ZNF529: variants seen among roughly 807,000 people sequenced by gnomAD.
ZNF529 encodes the protein zinc finger protein 529.
A neutral mutation model predicts 10.1 loss-of-function variants in ZNF529; 11 were observed. The ratio of observed to expected loss-of-function variants is 1.09; its 90% CI spans 0.69 to 1.81. ZNF529 has a LOEUF of 1.81. ZNF529 is among the 40% of genes most tolerant of loss of function. ZNF529 has a pLI of 0.00. For synonymous variants in ZNF529, 204 were observed against 215.7 expected, an observed-to-expected ratio of 0.95 and a Z score of 0.47; for missense variants, 624 against 666.8, an observed-to-expected ratio of 0.94 and a Z score of 0.71.
intron 2 of ZNF529, among the ~76,000 whole-genome samples, chr19:36,565,533 TC>T (rs1181237309): frequency 6.6e-6 from 1 of 152,110 alleles, no homozygotes; most frequent in African/African-American, 2.4e-5. Context: ...AAACCCCATC[TC>T]TACTAAAAAT....
chr19:36,555,143 C>T (rs181566866), intron 3 of ZNF529, among the ~76,000 whole-genome samples: 10 of 152,228 alleles, frequency 6.6e-5, no homozygotes, highest in Admixed American at 6.5e-4. Context: ...GTTTCTATAC[C>T]GTCATTCCCC....
At chr19:36,570,423 C>T (rs1169291585) in intron 2 of ZNF529, among the ~76,000 whole-genome samples, 1 of 145,756 alleles carries the variant, frequency 6.9e-6, no homozygotes, top group African/African-American at 2.5e-5. Flanking sequence ...AAACAAAAAA[C>T]CCTGGAAACC....
chr19:36,585,924 T>G (rs2036570442), intron 2 of ZNF529, among the ~76,000 whole-genome samples: 1 of 152,268 alleles, frequency 6.6e-6, no homozygotes, highest in Non-Finnish European at 1.5e-5. Flanking sequence ...CGCTTACATC[T>G]GCTAAGCTAA....
chr19:36,570,360 C>CAAAAA (rs58429405), intron 2 of ZNF529, among the ~76,000 whole-genome samples: 99 of 70,352 alleles, frequency 1.4e-3, no homozygotes, highest in East Asian at 1.9e-3. Context: ...GACCCTATCT[C>CAAAAA]AAAAAAAAAA....
chr19:36,596,093 T>C (rs1443268750), intron 1 of ZNF529, among the ~76,000 whole-genome samples: 1 of 136,484 alleles, frequency 7.3e-6, no homozygotes, highest in Non-Finnish European at 1.6e-5. Flanking sequence ...TGAGACAGAG[T>C]CTTACTCTGT....
intron 1 of ZNF529, among the ~76,000 whole-genome samples, chr19:36,600,089 G>A (rs909253385): frequency 2.0e-5 from 3 of 151,644 alleles, no homozygotes; most frequent in African/African-American, 4.8e-5. Context: ...GGCTAGTCTC[G>A]AACTCCTAAC....
At position 36,561,635 on chromosome 19, in the gene ZNF529, G is replaced by A. The variant is rs1042611381; in HGVS notation, c.15-5438C>T. On this transcript the variant is annotated intron_variant, in intron 2 of 4. Transcript: ENST00000591340. ...ATTGTCCAGTGGAGTCATACAGGCT[G>A]TGCCACTCCCCAAACCCTAGACCTG... is the stretch of plus-strand genomic sequence containing the variant. Among the ~76,000 whole-genome samples, 7 of 152,168 alleles carry A rather than the reference G, an allele frequency of 4.6e-5. No individual in the cohort carries two copies. In the East Asian group the frequency reaches 5.8e-4, roughly 13 times the overall value.
intron 2 of ZNF529, among the ~76,000 whole-genome samples, chr19:36,562,323 T>C: frequency 6.6e-6 from 1 of 152,206 alleles, no homozygotes; most frequent in East Asian, 1.9e-4. Context: ...GCAATTTGCC[T>C]CAGGATGAAT....
chr19:36,549,143 T>G (rs2035166903), intron 4 of ZNF529, among the ~76,000 whole-genome samples: 1 of 152,250 alleles, frequency 6.6e-6, no homozygotes, highest in Non-Finnish European at 1.5e-5. Context: ...CTTCTTTTCT[T>G]TGTTAAAGTC....
intron 1 of ZNF529, among the ~76,000 whole-genome samples, chr19:36,599,209 T>G (rs543908651): frequency 6.6e-6 from 1 of 152,220 alleles, no homozygotes; most frequent in Non-Finnish European, 1.5e-5. Context: ...AGACTTCTGG[T>G]CTTGAAAGAT....
Position 36,546,578 on chromosome 19 carries a change from C to T in ZNF529, c.*288G>A. On this transcript the variant is annotated 3_prime_UTR_variant, in exon 5 of 5. Transcript: ENST00000591340. ...TTAAAAAACTGAATAGTCAAAAGAG[C>T]AATAATACAAACATCAAAAGCTATT... is the stretch of plus-strand genomic sequence containing the variant. 3.4e-6 allele frequency: 1 copy of T among 294,606 alleles called. No individual in the cohort carries two copies. The allele number at this position is 294,606 out of a possible 1,614,324, so 18.2% of individuals were successfully genotyped here.
At chr19:36,555,681 G>A (rs540124567) in intron 3 of ZNF529, among the ~76,000 whole-genome samples, 7 of 152,296 alleles carry the variant, frequency 4.6e-5, no homozygotes, top group East Asian at 1.9e-4. Context: ...ATATTCCAAC[G>A]TTTAGGTTAG....
intron 3 of ZNF529, among the ~76,000 whole-genome samples, chr19:36,555,144 G>A (rs542017806): frequency 5.9e-5 from 9 of 152,274 alleles, no homozygotes; most frequent in Non-Finnish European, 8.8e-5. Context: ...TTTCTATACC[G>A]TCATTCCCCT....
At chr19:36,573,305 G>A (rs530556266), upstream of ZNF529, 8 of 359,564 alleles carry the variant, frequency 2.2e-5, no homozygotes, top group East Asian at 3.9e-4. Context: ...CACCGGAAAA[G>A]GAAGCAAAGG....
chr19:36,600,425 T>G (rs777749263), intron 1 of ZNF529, among the ~76,000 whole-genome samples: 1 of 152,224 alleles, frequency 6.6e-6, no homozygotes. Flanking sequence ...AGCAATTCAT[T>G]GTGTACTTTT....
At chr19:36,567,236 A>C (rs1427725079) in intron 2 of ZNF529, among the ~76,000 whole-genome samples, 3 of 152,174 alleles carry the variant, frequency 2.0e-5, no homozygotes, top group African/African-American at 7.2e-5. Flanking sequence ...CAATCTAATG[A>C]AATAGAGGAA....
chr19:36,546,700 T>C lies in ZNF529; in HGVS notation c.*166A>G. The C allele has an allele frequency of 1.4e-6, 1 of 699,820 alleles. No individual in the cohort carries two copies. Among genetic ancestry groups the C allele is most frequent in the Non-Finnish European group, 2.3e-6 (1 of 441,634 alleles). 43.4% of individuals were successfully genotyped at this position (699,820 alleles called of 1,614,324 possible). On this transcript the variant is annotated 3_prime_UTR_variant, in exon 5 of 5. Coordinates refer to ENST00000591340, the MANE Select transcript of ZNF529 (RefSeq NM_020951.5). ...AACATCTAACAAAGCTATAAGTATA[T>C]ATCAGCTATGACTAAGCAATTCTAC... is the stretch of plus-strand genomic sequence containing the variant.
intron 2 of ZNF529, among the ~76,000 whole-genome samples, chr19:36,570,573 T>C (rs1455761926): frequency 2.0e-5 from 3 of 152,142 alleles, no homozygotes; most frequent in African/African-American, 7.2e-5. Flanking sequence ...TATGCAACTT[T>C]TCCCTTTGCT....
chr19:36,581,750 C>A, intron 2 of ZNF529: 1 of 162,026 alleles, frequency 6.2e-6, no homozygotes, highest in South Asian at 1.7e-4. Context: ...TGCCTTCTGC[C>A]ATAATTGTAA....
Sources: gnomAD v4.1 joint callset for allele counts (sites outside exome capture counted in the v4.1 genomes callset) on GRCh38, gnomAD v4.1.1 for gene constraint, MANE v1.5 for transcripts, NCBI Gene and HGNC (gene_info 2026-07-23, HGNC 2026-07-21) for gene names.